CFDP1: variants seen among roughly 807,000 people sequenced by gnomAD.
CFDP1 encodes the protein chromatin remodeling protein CFDP1.
Under a neutral mutation model 40.1 loss-of-function variants are expected in CFDP1, and 31 were observed. The ratio of observed to expected loss-of-function variants is 0.77; its 90% CI spans 0.58 to 1.04. The LOEUF (loss-of-function observed/expected upper bound fraction) is 1.04, where lower values mean the gene tolerates loss of function less well. Among genes scored for constraint, CFDP1 ranks in the 50% least tolerant of loss-of-function variants. CFDP1 has a pLI of 0.00. For synonymous variants in CFDP1, 167 were observed against 120.0 expected, an observed-to-expected ratio of 1.39 and a Z score of -2.56; for missense variants, 423 against 343.4, an observed-to-expected ratio of 1.23 and a Z score of -1.83.
chr16:75,412,888 G>C (rs1455704352), intron 2 of CFDP1, 134 bp from the exon 3 acceptor site: 1 of 582,778 alleles, frequency 1.7e-6, no homozygotes, highest in Non-Finnish European at 2.9e-6. Flanking sequence ...ATATACTGAA[G>C]TGAGTAGAAG....
At chr16:75,387,777 T>C (rs1429223169) in intron 5 of CFDP1, among the ~76,000 whole-genome samples, 1 of 152,244 alleles carries the variant, frequency 6.6e-6, no homozygotes, top group Non-Finnish European at 1.5e-5. Flanking sequence ...ACAGCTTCAC[T>C]GTTGCTGCTG....
At chr16:75,380,934 G>A (rs545632972) in intron 5 of CFDP1, among the ~76,000 whole-genome samples, 2 of 152,126 alleles carry the variant, frequency 1.3e-5, no homozygotes, top group Non-Finnish European at 2.9e-5. Flanking sequence ...GTTAGCAATC[G>A]ACAGTAGCAG....
At chr16:75,316,429 G>C (rs2078323423) in intron 5 of CFDP1, among the ~76,000 whole-genome samples, 1 of 152,146 alleles carries the variant, frequency 6.6e-6, no homozygotes, top group African/African-American at 2.4e-5. Context: ...AGGCCAGGCA[G>C]TGTGCTGGCT....
intron 4 of CFDP1, 84 bp from the exon 5 acceptor site, chr16:75,395,293 A>T: frequency 7.1e-7 from 1 of 1,412,762 alleles, no homozygotes; most frequent in Non-Finnish European, 9.7e-7. Context: ...GACAACTAGA[A>T]AAAGATCCAC....
At chr16:75,303,948 AG>A (rs967959321) in intron 6 of CFDP1, among the ~76,000 whole-genome samples, 1 of 152,228 alleles carries the variant, frequency 6.6e-6, no homozygotes, top group Non-Finnish European at 1.5e-5. Context: ...TTTCATGGCT[AG>A]GGGTGAGGAC....
At chr16:75,393,714 G>A (rs2151562557) in intron 5 of CFDP1, among the ~76,000 whole-genome samples, 1 of 127,018 alleles carries the variant, frequency 7.9e-6, no homozygotes, top group African/African-American at 3.1e-5. Flanking sequence ...GTCCGGCCTG[G>A]GCGACAGAGC....
At chr16:75,330,172 A>G (rs966419352) in intron 5 of CFDP1, among the ~76,000 whole-genome samples, 1 of 152,224 alleles carries the variant, frequency 6.6e-6, no homozygotes, top group Non-Finnish European at 1.5e-5. Context: ...AATGACCCAC[A>G]TGACTACTTC....
chr16:75,339,032 G>C (rs1202920519), intron 5 of CFDP1, among the ~76,000 whole-genome samples: 1 of 151,834 alleles, frequency 6.6e-6, no homozygotes, highest in Non-Finnish European at 1.5e-5. Flanking sequence ...TCTACAAATT[G>C]TTGCTTACGT....
At chr16:75,342,830 A>C (rs1349730393) in intron 5 of CFDP1, among the ~76,000 whole-genome samples, 1 of 152,166 alleles carries the variant, frequency 6.6e-6, no homozygotes, top group East Asian at 1.9e-4. Flanking sequence ...TGGTTGCCAC[A>C]ATCTGGGGAA....
intron 5 of CFDP1, among the ~76,000 whole-genome samples, chr16:75,360,371 G>T (rs1398100120): frequency 6.6e-6 from 1 of 152,218 alleles, no homozygotes; most frequent in Non-Finnish European, 1.5e-5. Flanking sequence ...AAAGGAATCA[G>T]CTCAAAGACA....
At position 75,433,432 on chromosome 16, in the gene CFDP1, A is replaced by G. The variant is rs2079451846; in HGVS notation, c.-80T>C. On this transcript the variant is annotated 5_prime_UTR_variant, in exon 1 of 7. Transcript: ENST00000283882. ...CGGCAAAGCTCTAGGGAGAGACCAT[A>G]GAGCCCCGGCGGCGGCGACGGCAGC... 1.4e-6 allele frequency: 2 copies of G among 1,431,312 alleles called. No homozygotes were observed. The highest frequency in any genetic ancestry group is 1.4e-5 in the African/African-American group (1 of 70,818). The allele number at this position is 1,431,312 out of a possible 1,614,324, so 88.7% of individuals were successfully genotyped here.
Position 75,398,391 on chromosome 16 carries a change from C to T in CFDP1, c.531-3182G>A, listed in dbSNP as rs137913932. Reference sequence around the variant, plus strand: ...TGCTCTTCCAGAACCCTGATACTACCCCAGTTAGAGGGGGAGTCTGTGTCA... The same window carrying T: ...TGCTCTTCCAGAACCCTGATACTACTCCAGTTAGAGGGGGAGTCTGTGTCA... On this transcript the variant is annotated intron_variant, in intron 4 of 6. Coordinates refer to ENST00000283882, the MANE Select transcript of CFDP1 (RefSeq NM_006324.3). Among the ~76,000 whole-genome samples, 16 of 152,280 alleles carry T rather than the reference C, an allele frequency of 1.1e-4. No individual in the cohort carries two copies. The East Asian group carries it at 3.1e-3, about 29-fold the overall frequency.
At chr16:75,379,379 C>A (rs72787135) in intron 5 of CFDP1, among the ~76,000 whole-genome samples, 1 of 150,798 alleles carries the variant, frequency 6.6e-6, no homozygotes, top group Non-Finnish European at 1.5e-5. Context: ...TTACCAATAT[C>A]GGAGGTAATG....
chr16:75,365,205 G>A (rs766832109), intron 5 of CFDP1, among the ~76,000 whole-genome samples: 1 of 152,106 alleles, frequency 6.6e-6, no homozygotes, highest in Non-Finnish European at 1.5e-5. Flanking sequence ...TGAATGGCAA[G>A]GTTAAATACA....
chr16:75,425,979 C>T (rs11863519), intron 1 of CFDP1, among the ~76,000 whole-genome samples: 2,139 of 122,790 alleles, frequency 0.017, 54 homozygotes, highest in African/African-American at 0.063. Flanking sequence ...GAGGTTGCAG[C>T]GAGCTGAGAT....
At position 75,305,117 on chromosome 16, in the gene CFDP1, C is replaced by T; in HGVS notation, c.716G>A (p.Ser239Asn). 1 of 1,614,144 alleles carries T rather than the reference C, an allele frequency of 6.2e-7. No individual in the cohort carries two copies. The highest frequency in any genetic ancestry group is 8.5e-7 in the Non-Finnish European group (1 of 1,180,000). Residue 239 changes from serine (S) to asparagine (N), a missense_variant, in exon 6 of 7, where the codon AGC becomes AAC. By Grantham distance (46) the Ser-to-Asn change is conservative. Transcript: ENST00000283882. ...GKIGAKKQKM[S>N]TLEKSKLDWE... ...GTCCAGTTTGGACTTCTCAAGGGTGCTCATTTTCTGCTTCTTGGCACCAAT... is the reference window on the plus strand; with the variant it reads ...GTCCAGTTTGGACTTCTCAAGGGTGTTCATTTTCTGCTTCTTGGCACCAAT...
At chr16:75,384,276 G>C (rs918427394) in intron 5 of CFDP1, among the ~76,000 whole-genome samples, 1 of 152,124 alleles carries the variant, frequency 6.6e-6, no homozygotes, top group African/African-American at 2.4e-5. Context: ...AGAATTCCTT[G>C]AACCCAGGAG....
At chr16:75,430,082 T>G (rs1003477830) in intron 1 of CFDP1, among the ~76,000 whole-genome samples, 2 of 152,182 alleles carry the variant, frequency 1.3e-5, no homozygotes, top group Non-Finnish European at 2.9e-5. Flanking sequence ...ATTTAAAAAT[T>G]TTCTTGTTGG....
intron 5 of CFDP1, among the ~76,000 whole-genome samples, chr16:75,379,104 G>A (rs1233668271): frequency 6.6e-6 from 1 of 151,680 alleles, no homozygotes; most frequent in Non-Finnish European, 1.5e-5. Context: ...TGAGGGAAAT[G>A]TGTAGTAAGA....
Sources: gnomAD v4.1 joint callset for allele counts (sites outside exome capture counted in the v4.1 genomes callset) on GRCh38, gnomAD v4.1.1 for gene constraint, MANE v1.5 for transcripts, NCBI Gene and HGNC (gene_info 2026-07-23, HGNC 2026-07-21) for gene names.